MAP3K2: variants seen among roughly 807,000 people sequenced by gnomAD.
MAP3K2 encodes mitogen-activated protein kinase kinase kinase 2, also known as MAP/ERK kinase kinase 2.
MAP3K2 carries 24 observed loss-of-function variants against 80.3 expected under a neutral mutation model. The observed-to-expected ratio is 0.30, with a 90% CI of 0.22 to 0.42. The LOEUF is 0.42. MAP3K2 is among the 10% of genes least tolerant of loss of function. The probability of loss-of-function intolerance (pLI) is 1.00; values close to 1 mark genes in which losing one functional copy is unlikely to be tolerated. For missense variants in MAP3K2, 608 were observed against 750.1 expected, an observed-to-expected ratio of 0.81 and a Z score of 2.21; for synonymous variants, 244 against 253.7, an observed-to-expected ratio of 0.96 and a Z score of 0.36.
Position 127,387,536 on chromosome 2 carries a change from T to C in MAP3K2, c.-150A>G, listed in dbSNP as rs1687390600. The C allele has an allele frequency of 2.0e-6, 2 of 984,758 alleles. No individual in the cohort carries two copies. Among genetic ancestry groups the C allele is most frequent in the African/African-American group, 1.7e-5 (1 of 57,218 alleles). The allele number at this position is 984,758 out of a possible 1,614,324, so 61.0% of individuals were successfully genotyped here. A position where few individuals can be genotyped will look rare whatever the true frequency, so the allele number is the denominator to read the frequency against. ...CCCGCCCCTCCGCCCCAGCGCGGCC[T>C]GTCACCGCGGCCCCAGGTCGGGGGC... On this transcript the variant is annotated 5_prime_UTR_variant, in exon 1 of 17. Transcript: ENST00000682094.
At chr2:127,334,774 A>T (rs1339876550) in intron 5 of MAP3K2, among the ~76,000 whole-genome samples, 24 of 141,330 alleles carry the variant, frequency 1.7e-4, no homozygotes, top group African/African-American at 1.8e-4. Context: ...TACTTTATGC[A>T]TTTTTTTTTT....
At chr2:127,366,874 T>G (rs1040365213) in intron 1 of MAP3K2, among the ~76,000 whole-genome samples, 12 of 130,920 alleles carry the variant, frequency 9.2e-5, no homozygotes, top group Non-Finnish European at 1.7e-4. Context: ...GGGTTTTTTT[T>G]TTTTTTTTTT....
chr2:127,323,873 T>C, intron 11 of MAP3K2, 29 bp downstream of exon 11: 1 of 1,118,868 alleles, frequency 8.9e-7, no homozygotes, highest in Non-Finnish European at 1.3e-6. Flanking sequence ...TTTTTAACTA[T>C]TCTTGTGGTC....
At chr2:127,373,663 C>CT (rs754994493) in intron 1 of MAP3K2, among the ~76,000 whole-genome samples, 10 of 152,300 alleles carry the variant, frequency 6.6e-5, no homozygotes, top group Non-Finnish European at 8.8e-5. Flanking sequence ...GTTTTTCCCA[C>CT]TAAACACTCC....
chr2:127,324,413 A>C (rs1219394053), intron 9 of MAP3K2, among the ~76,000 whole-genome samples, 172 bp from the exon 10 acceptor site: 2 of 152,244 alleles, frequency 1.3e-5, no homozygotes, highest in Admixed American at 1.3e-4. Context: ...TACTTGGTAC[A>C]TGTAGGCAAA....
intron 1 of MAP3K2, among the ~76,000 whole-genome samples, chr2:127,351,930 G>T (rs539201199): frequency 6.6e-6 from 1 of 151,478 alleles, no homozygotes; most frequent in Admixed American, 6.6e-5. Flanking sequence ...AGGCTAGAGC[G>T]CAGTGGCACA....
chr2:127,376,964 G>C (rs1687163116), intron 1 of MAP3K2, among the ~76,000 whole-genome samples: 2 of 151,998 alleles, frequency 1.3e-5, no homozygotes. Flanking sequence ...AGGAAGCTGA[G>C]GTGGGAGGAA....
At chr2:127,382,746 A>C (rs1850689) in intron 1 of MAP3K2, among the ~76,000 whole-genome samples, 79 of 152,166 alleles carry the variant, frequency 5.2e-4, no homozygotes, top group Middle Eastern at 3.4e-3. Flanking sequence ...GGCTGGTCTT[A>C]AACTCCTGAC....
intron 1 of MAP3K2, among the ~76,000 whole-genome samples, chr2:127,369,818 G>A (rs971998425): frequency 1.6e-4 from 24 of 152,218 alleles, no homozygotes; most frequent in African/African-American, 5.6e-4. Context: ...TTAAAAGCCA[G>A]AGTGTAGTCT....
rs1686826319 is a variant in MAP3K2 at position 127,358,152 on chromosome 2, A to G, written c.-65-14958T>C. On this transcript the variant is annotated intron_variant, in intron 1 of 16. Coordinates refer to ENST00000682094, the MANE Select transcript of MAP3K2 (RefSeq NM_001371910.2). ...AAAAGACAAACATTAAGATTAGGAC[A>G]TACACTTCACCAAAAAGACATTAAG... is the stretch of plus-strand genomic sequence containing the variant. 3.3e-5 allele frequency among the ~76,000 whole-genome samples: 5 copies of G among 152,358 alleles called. No homozygotes were observed. In the South Asian group the frequency reaches 1.0e-3, roughly 32 times the overall value.
chr2:127,340,321 G>T (rs1026028068), intron 2 of MAP3K2, among the ~76,000 whole-genome samples: 1 of 152,140 alleles, frequency 6.6e-6, no homozygotes, highest in Non-Finnish European at 1.5e-5. Context: ...AGCTCACAAT[G>T]ATCTCAACTG....
chr2:127,312,349 C>T lies in MAP3K2; in HGVS notation c.1456+2405G>A, dbSNP rs558395014. The stretch of plus-strand genomic sequence containing the variant: ...GCAATATAATCAATTAATTTTCATC[C>T]TAGGTTTCATTATGACTTCACGGGT... On this transcript the variant is annotated intron_variant, in intron 15 of 16. Transcript: ENST00000682094. Among the ~76,000 whole-genome samples the T allele has an allele frequency of 1.9e-4, 29 of 152,260 alleles. No individual in the cohort carries two copies. In the South Asian group the frequency reaches 5.0e-3, roughly 26 times the overall value.
chr2:127,369,774 G>A (rs1486091339), intron 1 of MAP3K2, among the ~76,000 whole-genome samples: 1 of 152,162 alleles, frequency 6.6e-6, no homozygotes, highest in African/African-American at 2.4e-5. Flanking sequence ...CAGAGCTGGT[G>A]GGTGAAAGTG....
chr2:127,343,020 AAATT>A (rs1686527859), intron 2 of MAP3K2, 102 bp downstream of exon 2: 7 of 809,340 alleles, frequency 8.6e-6, no homozygotes, highest in African/African-American at 1.7e-5. Context: ...CTATATCATA[AAATT>A]TATTTATAAA....
At chr2:127,362,668 A>G (rs1415332771) in intron 1 of MAP3K2, among the ~76,000 whole-genome samples, 1 of 152,240 alleles carries the variant, frequency 6.6e-6, no homozygotes, top group Non-Finnish European at 1.5e-5. Context: ...TGGTTTACCA[A>G]AAACATCACT....
intron 4 of MAP3K2, among the ~76,000 whole-genome samples, chr2:127,337,518 A>T (rs1686397157): frequency 6.6e-6 from 1 of 152,252 alleles, no homozygotes; most frequent in African/African-American, 2.4e-5. Flanking sequence ...TTTATCTCTG[A>T]AAATTGCAAA....
rs557086812 is a variant in MAP3K2 at position 127,305,026 on chromosome 2, T to A, written c.*2553A>T. 15 of 152,680 alleles carry A rather than the reference T, an allele frequency of 9.8e-5. No homozygotes were observed. The highest frequency in any genetic ancestry group is 2.9e-4 in the African/African-American group (12 of 41,558). The allele number at this position is 152,680 out of a possible 1,614,324, so 9.5% of individuals were successfully genotyped here. A position where few individuals can be genotyped will look rare whatever the true frequency, so the allele number is the denominator to read the frequency against. ...TTCCACAGCAGTGTTAAAGTAGTAG[T>A]TTCTTTTCAGGTGCCTTTATTTTCT... is the stretch of plus-strand genomic sequence containing the variant. On this transcript the variant is annotated 3_prime_UTR_variant, in exon 17 of 17. Transcript: ENST00000682094.
At chr2:127,323,838 T>G in intron 11 of MAP3K2, 64 bp downstream of exon 11, 7 of 733,588 alleles carry the variant, frequency 9.5e-6, no homozygotes, top group Non-Finnish European at 1.5e-5. Context: ...TAAAAAATTT[T>G]TGTATTTATT....
At chr2:127,329,827 T>C (rs555251043) in intron 7 of MAP3K2, 94 bp downstream of exon 7, 2 of 702,084 alleles carry the variant, frequency 2.8e-6, no homozygotes, top group African/African-American at 3.6e-5. Context: ...AAAATATTAT[T>C]TATCAGGAAT....
Sources: allele counts gnomAD v4.1 joint callset (sites outside exome capture counted in the v4.1 genomes callset), GRCh38; gene constraint gnomAD v4.1.1; transcripts MANE v1.5; gene names NCBI Gene and HGNC (gene_info 2026-07-23, HGNC 2026-07-21).